The following UBN2 variants were observed in gnomAD, a reference collection of about 807,000 sequenced individuals.
UBN2 encodes the protein ubinuclein 2.
A neutral mutation model predicts 120.2 loss-of-function variants in UBN2; 35 were observed. That is an observed-to-expected ratio of 0.29 (90% CI 0.22 to 0.39). UBN2 has a LOEUF of 0.39. Among genes scored for constraint, UBN2 ranks in the 10% least tolerant of loss-of-function variants. UBN2 has a pLI of 1.00. For missense variants in UBN2, 1,693 were observed against 1,663.2 expected (o/e 1.02, Z -0.31); for synonymous variants, 661 against 648.7 (o/e 1.02, Z -0.29).
intron 4 of UBN2, 90 bp downstream of exon 4, chr7:139,258,715 G>A: frequency 1.1e-5 from 13 of 1,177,606 alleles, no homozygotes; most frequent in East Asian, 5.3e-5. Context: ...GTGAATGTAA[G>A]GAAAAGTAAA....
In UBN2 at chr7:139,285,208, A is replaced by G. The variant is rs114247055; in HGVS notation, c.3669+634A>G. 8.3e-3 allele frequency among the ~76,000 whole-genome samples: 1,267 copies of G among 152,260 alleles called. 21 individuals are homozygous for G. The highest frequency in any genetic ancestry group is 0.029 in the African/African-American group (1,187 of 41,548). The stretch of plus-strand genomic sequence containing the variant: ...ATTAGCTGAGTGCCTCACTCAAGCA[A>G]TCTTTTCAAGAAGGGTAGCCGGGCA... On this transcript the variant is annotated intron_variant, in intron 15 of 17. Transcript: ENST00000473989.
chr7:139,245,822 C>A (rs1347459686), intron 2 of UBN2, among the ~76,000 whole-genome samples: 1 of 152,080 alleles, frequency 6.6e-6, no homozygotes, highest in Non-Finnish European at 1.5e-5. Context: ...GGAGAAAGCA[C>A]AAGGAACAGT....
At position 139,273,280 on chromosome 7, in the gene UBN2, G is replaced by A. The variant is rs746372230; in HGVS notation, c.1716-17G>A. 6.4e-7 allele frequency: 1 copy of A among 1,573,600 alleles called. No individual in the cohort carries two copies. Reference sequence around the variant, plus strand: ...TTGGGTTAAAAGTTTGTTTTGTAAAGTGTTTTTCATTTTTAGATTGCAGAC... The same window carrying A: ...TTGGGTTAAAAGTTTGTTTTGTAAAATGTTTTTCATTTTTAGATTGCAGAC... On this transcript the variant is annotated splice_polypyrimidine_tract_variant and intron_variant, in intron 9 of 17. Coordinates refer to ENST00000473989, the MANE Select transcript of UBN2 (RefSeq NM_173569.4).
At chr7:139,242,809 G>A (rs949116510) in intron 2 of UBN2, among the ~76,000 whole-genome samples, 4 of 152,192 alleles carry the variant, frequency 2.6e-5, no homozygotes, top group African/African-American at 7.2e-5. Context: ...TACTATTTTT[G>A]TGCTGTGTAG....
chr7:139,254,157 G>A (rs1217986383), intron 3 of UBN2, among the ~76,000 whole-genome samples: 1 of 152,136 alleles, frequency 6.6e-6, no homozygotes, highest in Non-Finnish European at 1.5e-5. Context: ...GCCGGGCGTG[G>A]TGGCGGGCGC....
the UBN2 span, among the ~76,000 whole-genome samples, chr7:139,325,192 G>T: frequency 6.7e-6 from 1 of 150,312 alleles, no homozygotes; most frequent in Admixed American, 6.6e-5. Context: ...TAAATACAAA[G>T]GATTACAGGG....
chr7:139,296,752 G>T (rs1336740040), intron 17 of UBN2, among the ~76,000 whole-genome samples: 1 of 152,198 alleles, frequency 6.6e-6, no homozygotes, highest in South Asian at 2.1e-4. Flanking sequence ...TTGAGCTGGT[G>T]TGGTGGCACA....
chr7:139,288,023 CAG>C (rs1288271966), intron 15 of UBN2, among the ~76,000 whole-genome samples: 2 of 152,198 alleles, frequency 1.3e-5, no homozygotes, highest in Admixed American at 6.5e-5. Flanking sequence ...ACTTTCCACA[CAG>C]GGGTTTCCTC....
At position 139,293,439 on chromosome 7, in the gene UBN2, G is replaced by A. The variant is rs1024580910; in HGVS notation, c.3877G>A (p.Ala1293Thr). Residue 1293 changes from alanine to threonine, a missense_variant, in exon 16 of 18, where the codon GCT (alanine) becomes ACT (threonine). Transcript: ENST00000473989. ...AACCACCTCGGGATCTACCTCAGCC[G>A]CTTTCCACCATAGCCTAACTCAGAG... ...VTTTSGSTSA[A>T]FHHSLTQNLL... 1.1e-5 allele frequency: 17 copies of A among 1,613,966 alleles called. No homozygotes were observed. Among genetic ancestry groups the A allele is most frequent in the East Asian group, 2.2e-5 (1 of 44,898 alleles).
intron 2 of UBN2, among the ~76,000 whole-genome samples, chr7:139,248,772 C>T (rs886764045): frequency 5.9e-5 from 9 of 151,940 alleles, no homozygotes; most frequent in Admixed American, 3.9e-4. Flanking sequence ...GTGAAATCAT[C>T]CCTCATGTCC....
intron 2 of UBN2, among the ~76,000 whole-genome samples, chr7:139,251,568 T>C (rs1361842927): frequency 2.0e-5 from 3 of 152,222 alleles, no homozygotes; most frequent in Non-Finnish European, 4.4e-5. Flanking sequence ...AGAATGTCCA[T>C]GAATTTGGTT....
At chr7:139,252,178 T>C in intron 3 of UBN2, 121 bp downstream of exon 3, 5 of 738,456 alleles carry the variant, frequency 6.8e-6, no homozygotes, top group Non-Finnish European at 1.1e-5. Context: ...TAAAGCCATG[T>C]TCACTACTTA....
chr7:139,290,701 A>T (rs547059700), intron 15 of UBN2, among the ~76,000 whole-genome samples: 1 of 152,222 alleles, frequency 6.6e-6, no homozygotes, highest in African/African-American at 2.4e-5. Flanking sequence ...AGAACTATGG[A>T]TATAAATTTC....
the UBN2 span, among the ~76,000 whole-genome samples, chr7:139,319,874 C>A: frequency 0.023 from 3,510 of 151,928 alleles, 132 homozygotes; most frequent in African/African-American, 0.076. Context: ...CAGGAGATGG[C>A]GACCATCCTG....
At chr7:139,314,466 G>T in the UBN2 span, among the ~76,000 whole-genome samples, 3 of 151,014 alleles carry the variant, frequency 2.0e-5, no homozygotes, top group South Asian at 6.4e-4. Flanking sequence ...CTCAAAAAAA[G>T]AAGTGTATTT....
chr7:139,297,945 C>A lies in UBN2; in HGVS notation c.*109C>A. On this transcript the variant is annotated 3_prime_UTR_variant, in exon 18 of 18. Coordinates refer to ENST00000473989, the MANE Select transcript of UBN2 (RefSeq NM_173569.4). ...TGCTGTTTCTGTCGATGTTTACATT[C>A]TCTCGTCCCAAGCACTGTGGTGAGG... is the stretch of plus-strand genomic sequence containing the variant. The A allele has an allele frequency of 1.6e-6, 2 of 1,229,588 alleles. No individual in the cohort carries two copies. The highest frequency in any genetic ancestry group is 1.2e-6 in the Non-Finnish European group (1 of 842,756). The allele number at this position is 1,229,588 out of a possible 1,614,324, so 76.2% of individuals were successfully genotyped here.
chr7:139,280,104 G>A lies in UBN2; in HGVS notation c.2067+744G>A, dbSNP rs561320262. On this transcript the variant is annotated intron_variant, in intron 13 of 17. Transcript: ENST00000473989. Reference sequence around the variant, plus strand: ...CACTGGCAAAAGCAAATTCTCTTTGGTATAACGTGCCCTCTTCAGAGGCCT... The same window carrying A: ...CACTGGCAAAAGCAAATTCTCTTTGATATAACGTGCCCTCTTCAGAGGCCT... Among the ~76,000 whole-genome samples the A allele has an allele frequency of 5.3e-5, 8 of 152,212 alleles. No homozygotes were observed. In the East Asian group the frequency reaches 1.5e-3, roughly 29 times the overall value.
At chr7:139,271,477 T>G (rs1797271925) in intron 8 of UBN2, among the ~76,000 whole-genome samples, 1 of 151,898 alleles carries the variant, frequency 6.6e-6, no homozygotes, top group Non-Finnish European at 1.5e-5. Context: ...TCCCAGCTAC[T>G]CGGGTGGCTG....
chr7:139,272,450 T>C lies in UBN2; in HGVS notation c.1715+10T>C. The C allele has an allele frequency of 6.3e-7, 1 of 1,597,646 alleles. No individual in the cohort carries two copies. Among genetic ancestry groups the C allele is most frequent in the Non-Finnish European group, 8.5e-7 (1 of 1,170,518 alleles). On this transcript the variant is annotated intron_variant, in intron 9 of 17. Transcript: ENST00000473989. ...AAGCTAAGTGTGCCAAGTATGTATC[T>C]CTTCTATTTGGACTGGCTTTTGCAT...
Sources: allele counts gnomAD v4.1 joint callset (sites outside exome capture counted in the v4.1 genomes callset), GRCh38; gene constraint gnomAD v4.1.1; transcripts MANE v1.5; gene names NCBI Gene and HGNC (gene_info 2026-07-23, HGNC 2026-07-21).